BOP1: variants seen among roughly 807,000 people sequenced by gnomAD.
BOP1 encodes the protein BOP1 ribosomal biogenesis factor, also known as ribosome biogenesis protein BOP1.
Under a neutral mutation model 82.9 loss-of-function variants are expected in BOP1, and 54 were observed. The observed-to-expected ratio is 0.65, with a 90% CI of 0.52 to 0.82. The LOEUF is 0.82. Among genes scored for constraint, BOP1 ranks in the 40% least tolerant of loss-of-function variants. The pLI is 0.00. For synonymous variants in BOP1, 566 were observed against 451.1 expected (o/e 1.25, Z -3.23); for missense variants, 1,170 against 1,072.0 (o/e 1.09, Z -1.28).
intron 3 of BOP1, among the ~76,000 whole-genome samples, chr8:144,270,247 G>A (rs1845470530): frequency 6.6e-6 from 1 of 152,200 alleles, no homozygotes; most frequent in South Asian, 2.1e-4. Flanking sequence ...GGAGCAGGTG[G>A]GAAGGTGCGG....
chr8:144,281,746 C>G (rs1845688107), intron 2 of BOP1: 1 of 152,220 alleles, frequency 6.6e-6, no homozygotes, highest in Admixed American at 6.5e-5. Context: ...ACTCTAACTT[C>G]CGCCTCCCAG....
At chr8:144,282,727 C>A (rs1845704494) in intron 2 of BOP1, among the ~76,000 whole-genome samples, 1 of 152,042 alleles carries the variant, frequency 6.6e-6, no homozygotes, top group Admixed American at 6.6e-5. Context: ...CTCTGACCAC[C>A]CCCCAGACAC....
chr8:144,267,550 G>A (rs910919858), intron 3 of BOP1, among the ~76,000 whole-genome samples: 22 of 152,268 alleles, frequency 1.4e-4, no homozygotes, highest in South Asian at 2.1e-4. Context: ...GAAAGTAAGA[G>A]GCTGCAAGGC....
intron 2 of BOP1, 82 bp downstream of exon 2, chr8:144,289,013 G>A: frequency 6.8e-7 from 1 of 1,461,498 alleles, no homozygotes; most frequent in South Asian, 1.2e-5. Context: ...CGGTGGAGAA[G>A]GCAGTACAGT....
Position 144,276,849 on chromosome 8 carries a change from G to A in BOP1, c.310-545C>T, listed in dbSNP as rs905497083. ...CCACCCATCCCGGGGGCCACGTCCC[G>A]CCCAGTCCAGCCAGCAGAGGGCCCA... On this transcript the variant is annotated intron_variant, in intron 2 of 15. Transcript: ENST00000569669. Among the ~76,000 whole-genome samples, 24 of 152,254 alleles carry A rather than the reference G, an allele frequency of 1.6e-4. No individual in the cohort carries two copies. In the East Asian group the frequency reaches 2.5e-3, roughly 16 times the overall value.
chr8:144,278,234 C>G (rs1845604015), intron 2 of BOP1, among the ~76,000 whole-genome samples: 4 of 83,110 alleles, frequency 4.8e-5, no homozygotes, highest in Admixed American at 4.6e-4. Flanking sequence ...AGGGGGAGCG[C>G]AAGGACGAGG....
intron 3 of BOP1, chr8:144,267,261 C>A: frequency 7.1e-7 from 1 of 1,413,594 alleles, no homozygotes. Context: ...GAGGCGAGGC[C>A]ACACGGGCAG....
chr8:144,286,373 C>T lies in BOP1; in HGVS notation c.309+2722G>A, dbSNP rs967169426. On this transcript the variant is annotated intron_variant, in intron 2 of 15. Coordinates refer to ENST00000569669, the MANE Select transcript of BOP1 (RefSeq NM_015201.5). ...GGGCCTCAGCCCCTCAGCTAAAGCACAGGACACGCGGGCAGGTGCATGGGC... is the reference window on the plus strand; with the variant it reads ...GGGCCTCAGCCCCTCAGCTAAAGCATAGGACACGCGGGCAGGTGCATGGGC... 2.9e-4 allele frequency among the ~76,000 whole-genome samples: 43 copies of T among 150,440 alleles called. 1 individual carries two copies. The highest frequency in any genetic ancestry group is 8.6e-4 in the Admixed American group (13 of 15,110).
Position 144,263,891 on chromosome 8 carries a change from G to A in BOP1, c.1161C>T (p.Asp387=). 3.7e-6 allele frequency: 6 copies of A among 1,611,698 alleles called. No homozygotes were observed. Among genetic ancestry groups the A allele is most frequent in the Middle Eastern group, 1.9e-4 (1 of 5,134 alleles). Residue 387 remains aspartate, a synonymous_variant, in exon 9 of 16, where the codon GAC becomes GAT. Coordinates refer to ENST00000569669, the MANE Select transcript of BOP1 (RefSeq NM_015201.5). The part of the protein sequence containing the change: ...RKMRVNVDPE[D]LIPKLPRPRD... ...TCGGCCGAGGCAGCTTGGGGATGAG[G>A]TCCTCAGGGTCTACATTCACCTGGG... is the stretch of plus-strand genomic sequence containing the variant.
chr8:144,288,325 C>G (rs1039194775), intron 2 of BOP1, among the ~76,000 whole-genome samples: 28 of 147,234 alleles, frequency 1.9e-4, no homozygotes, highest in African/African-American at 6.3e-4. Context: ...GTCAGGAAAT[C>G]GAGACCAGCC....
chr8:144,262,770 C>CAGGCTGGACACCCACTTG, intron 13 of BOP1, 83 bp downstream of exon 13: 1 of 1,422,400 alleles, frequency 7.0e-7, no homozygotes, highest in Non-Finnish European at 9.5e-7. Context: ...GGTGCACTGC[C>CAGGCTGGACACCCACTTG]CCTACCCCCA....
chr8:144,290,500 CCT>C (rs1815022363), intron 1 of BOP1, among the ~76,000 whole-genome samples: 2 of 152,186 alleles, frequency 1.3e-5, no homozygotes, highest in Non-Finnish European at 2.9e-5. Flanking sequence ...TCACACAATG[CCT>C]CTCTCACACA....
At chr8:144,271,783 G>A (rs1196270448) in intron 3 of BOP1, among the ~76,000 whole-genome samples, 6 of 152,098 alleles carry the variant, frequency 3.9e-5, no homozygotes, top group Admixed American at 2.6e-4. Context: ...CAGGCAGGAG[G>A]AGCCACCAGC....
chr8:144,285,976 C>A (rs782687696), intron 2 of BOP1, among the ~76,000 whole-genome samples: 1 of 152,226 alleles, frequency 6.6e-6, no homozygotes, highest in Non-Finnish European at 1.5e-5. Context: ...CACGTGGCCA[C>A]GCTCATGGAA....
At position 144,270,216 on chromosome 8, in the gene BOP1, G is replaced by A. The variant is rs923280580; in HGVS notation, c.391-5145C>T. 8.5e-3 allele frequency among the ~76,000 whole-genome samples: 1,288 copies of A among 152,314 alleles called. 69 individuals are homozygous for A. Among genetic ancestry groups the A allele is most frequent in the Admixed American group, 0.076 (1,165 of 15,296 alleles). ...GGACAGGGCAGAGCCAGCTCAGAGC[G>A]GGAATGCAGGAGGCCAGACAGGAGC... is the stretch of plus-strand genomic sequence containing the variant. On this transcript the variant is annotated intron_variant, in intron 3 of 15. Transcript: ENST00000569669.
chr8:144,277,215 T>G (rs1010176184), intron 2 of BOP1, among the ~76,000 whole-genome samples: 3 of 151,960 alleles, frequency 2.0e-5, no homozygotes. Flanking sequence ...CCCTGCCTGT[T>G]TTTTCCTTCA....
At position 144,263,824 on chromosome 8, in the gene BOP1, C is replaced by CACTT. The variant is rs1379174563; in HGVS notation, c.1221+3_1221+6dup. On this transcript the variant is annotated splice_region_variant and intron_variant, in intron 9 of 15. Coordinates refer to ENST00000569669, the MANE Select transcript of BOP1 (RefSeq NM_015201.5). Reference sequence around the variant, plus strand: ...GGTGCAACCCCAGCCCCCTAGTCTCCACTTACCAGGGCCTGGCACGTGGGG... The same window carrying CACTT: ...GGTGCAACCCCAGCCCCCTAGTCTCCACTTACTTACCAGGGCCTGGCACGTGGGG... 8.7e-6 allele frequency: 14 copies of CACTT among 1,610,826 alleles called. No individual in the cohort carries two copies. The highest frequency in any genetic ancestry group is 6.7e-5 in the Admixed American group (4 of 59,908).
intron 13 of BOP1, 44 bp downstream of exon 13, chr8:144,262,809 C>CT (rs782176624): frequency 1.8e-6 from 1 of 553,292 alleles, no homozygotes; most frequent in Non-Finnish European, 3.0e-6. Flanking sequence ...CACCGCCCCC[C>CT]CCCCCACCCC....
At chr8:144,271,093 C>T (rs1158922196) in intron 3 of BOP1, among the ~76,000 whole-genome samples, 3 of 139,646 alleles carry the variant, frequency 2.1e-5, no homozygotes, top group African/African-American at 5.4e-5. Flanking sequence ...GCCGGCCGGC[C>T]GGGGGCACAC....
Sources: allele counts gnomAD v4.1 joint callset (sites outside exome capture counted in the v4.1 genomes callset), GRCh38; gene constraint gnomAD v4.1.1; transcripts MANE v1.5; gene names NCBI Gene and HGNC (gene_info 2026-07-23, HGNC 2026-07-21).